Variants in ULK2 observed in about 807,000 individuals in gnomAD.
ULK2 encodes unc-51 like autophagy activating kinase 2.
Under a neutral mutation model 127.5 loss-of-function variants are expected in ULK2, and 76 were observed. The ratio of observed to expected loss-of-function variants is 0.60; its 90% CI spans 0.50 to 0.72. The LOEUF (loss-of-function observed/expected upper bound fraction) is 0.72. Ranked by LOEUF, ULK2 falls within the 30% of genes least tolerant of loss-of-function variation. The pLI is 0.00. For synonymous variants in ULK2, 452 were observed against 461.9 expected (o/e 0.98, Z 0.28); for missense variants, 1,144 against 1,295.9 (o/e 0.88, Z 1.80).
At chr17:19,855,258 G>A (rs1253390867) in intron 3 of ULK2, among the ~76,000 whole-genome samples, 3 of 151,690 alleles carry the variant, frequency 2.0e-5, no homozygotes, top group African/African-American at 7.3e-5. Context: ...CAAAAAATTA[G>A]CCAGGCATGG....
Position 19,795,689 on chromosome 17 carries a change from T to C in ULK2, c.2034A>G (p.Gly678=), listed in dbSNP as rs2087253303. 1 of 1,614,154 alleles carries C rather than the reference T, an allele frequency of 6.2e-7. No individual in the cohort carries two copies. The highest frequency in any genetic ancestry group is 8.5e-7 in the Non-Finnish European group (1 of 1,180,010). ...CCTGATGTCGACATATAGGAGTCTT[T>C]CCTTGTTGATCTGATAACTTCCCGG... The part of the protein sequence containing the change: ...VSTGKLSDQQ[G]KTPICRHQGS... Residue 678 remains glycine, a synonymous_variant, in exon 20 of 27, where the codon GGA becomes GGG. Transcript: ENST00000395544.
rs143827540 is a variant in ULK2 at position 19,787,229 on chromosome 17, C to T, written c.2102-1143G>A. On this transcript the variant is annotated intron_variant, in intron 20 of 26. Transcript: ENST00000395544. ...GTCTCGATCTCTTGACCTTGTGATC[C>T]GCCCGCCTTGGCCTCTCAAACTGCT... is the stretch of plus-strand genomic sequence containing the variant. 6.0e-3 allele frequency among the ~76,000 whole-genome samples: 915 copies of T among 152,246 alleles called. 15 individuals carry two copies. Among genetic ancestry groups the T allele is most frequent in the African/African-American group, 0.019 (777 of 41,554 alleles).
chr17:19,857,699 T>C (rs991238145), intron 3 of ULK2, among the ~76,000 whole-genome samples: 5 of 152,166 alleles, frequency 3.3e-5, no homozygotes, highest in Non-Finnish European at 5.9e-5. Flanking sequence ...TCTAGGAGAT[T>C]TATCTTTTGA....
chr17:19,834,852 G>C (rs959612572), intron 10 of ULK2, among the ~76,000 whole-genome samples: 2 of 151,648 alleles, frequency 1.3e-5, no homozygotes, highest in African/African-American at 4.8e-5. Context: ...CAAGGCTGCA[G>C]TGAGGCTTGT....
chr17:19,797,614 T>C lies in ULK2; in HGVS notation c.1591A>G (p.Thr531Ala). 1 of 1,612,924 alleles carries C rather than the reference T, an allele frequency of 6.2e-7. No homozygotes were observed. Among genetic ancestry groups the C allele is most frequent in the Non-Finnish European group, 8.5e-7 (1 of 1,179,634 alleles). ...LSGARLQSAPTLTDIYQNKQK... is the reference protein window; with the variant it reads ...LSGARLQSAPALTDIYQNKQK... ...TTGTTCTGATAGATGTCAGTGAGGG[T>C]GGGGGCGCTCTGCAGTCTAGCACCC... The change falls in exon 18 of 27, where the codon ACC becomes GCC. Residue 531 changes from threonine to alanine, a missense_variant. Transcript: ENST00000395544.
chr17:19,844,423 C>A (rs1391670045), intron 7 of ULK2, among the ~76,000 whole-genome samples: 2 of 152,126 alleles, frequency 1.3e-5, no homozygotes, highest in East Asian at 3.8e-4. Flanking sequence ...CTACACCCAG[C>A]TCAGGCATAA....
Position 19,841,539 on chromosome 17 carries a change from A to T in ULK2, c.654T>A (p.Ser218Arg). The T allele has an allele frequency of 6.3e-7, 1 of 1,580,186 alleles. No homozygotes were observed. The highest frequency in any genetic ancestry group is 1.7e-4 in the Middle Eastern group (1 of 5,848). The change falls in exon 9 of 27, where the codon AGT (serine) becomes AGA (arginine). Residue 218 changes from serine (S) to arginine (R), a missense_variant. By Grantham distance (110) the Ser-to-Arg change is moderately radical (BLOSUM62 -1). Transcript: ENST00000395544. Reference protein sequence around the residue: ...LVGKPPFQANSPQDLRMFYEK... With the variant: ...LVGKPPFQANRPQDLRMFYEK... ...CATAAAACATCCTTAAGTCTTGAGG[A>T]CTATTGGCCTATTAAAAAAAAAAAG...
intron 12 of ULK2, among the ~76,000 whole-genome samples, chr17:19,821,494 GACA>G (rs774779592): frequency 1.3e-5 from 2 of 148,878 alleles, no homozygotes; most frequent in Non-Finnish European, 3.0e-5. Context: ...ATGTAAAAAC[GACA>G]ACGTTATATC....
At chr17:19,784,097 C>T in intron 21 of ULK2, 192 bp from the exon 22 acceptor site, 1 of 425,466 alleles carries the variant, frequency 2.4e-6, no homozygotes, top group Non-Finnish European at 3.9e-6. Context: ...TATTCCTTGT[C>T]TATATATTTT....
chr17:19,829,548 A>AAGGC lies in ULK2; in HGVS notation c.788-3363_788-3362insGCCT, dbSNP rs531835867. Among the ~76,000 whole-genome samples the AAGGC allele has an allele frequency of 7.8e-5, 2 of 25,514 alleles. 1 individual carries two copies. Among genetic ancestry groups the AAGGC allele is most frequent in the Non-Finnish European group, 1.7e-4 (2 of 11,450 alleles). 16.7% of individuals were successfully genotyped at this position (25,514 alleles called of 152,430 possible). A position where few individuals can be genotyped will look rare whatever the true frequency, so the allele number is the denominator to read the frequency against. ...TGAGACCCTGTCAAGGAAAAAAAAAAGGGGGGGGGCTGGGCACGGTAGCTC... is the reference window on the plus strand; with the variant it reads ...TGAGACCCTGTCAAGGAAAAAAAAAAAGGCGGGGGGGGGCTGGGCACGGTAGCTC... On this transcript the variant is annotated intron_variant, in intron 10 of 26. Coordinates refer to ENST00000395544, the MANE Select transcript of ULK2 (RefSeq NM_014683.4).
At chr17:19,801,216 TA>T (rs1221206529) in intron 16 of ULK2, among the ~76,000 whole-genome samples, 1 of 152,214 alleles carries the variant, frequency 6.6e-6, no homozygotes. Flanking sequence ...TTTTTATACA[TA>T]AATTACATTT....
intron 20 of ULK2, among the ~76,000 whole-genome samples, chr17:19,792,559 C>T (rs2087177575): frequency 6.6e-6 from 1 of 152,206 alleles, no homozygotes; most frequent in African/African-American, 2.4e-5. Context: ...CTCAGATGTT[C>T]TGTTATAGCA....
At chr17:19,841,081 A>G (rs1253812085) in intron 9 of ULK2, among the ~76,000 whole-genome samples, 1 of 152,170 alleles carries the variant, frequency 6.6e-6, no homozygotes, top group African/African-American at 2.4e-5. Flanking sequence ...TCGAGAGGAA[A>G]AAAAAAGGAA....
rs930132646 is a variant in ULK2 at position 19,849,034 on chromosome 17, G to A, written c.295+335C>T. Among the ~76,000 whole-genome samples the A allele has an allele frequency of 3.3e-5, 5 of 152,046 alleles. No homozygotes were observed. In the South Asian group the frequency reaches 1.0e-3, roughly 32 times the overall value. ...CCACTATAATTTTTTAATTTTGAAA[G>A]AAACGAAACGGACTAAAACTCAGTC... On this transcript the variant is annotated intron_variant, in intron 5 of 26. Coordinates refer to ENST00000395544, the MANE Select transcript of ULK2 (RefSeq NM_014683.4).
chr17:19,806,330 A>T (rs995457611), intron 14 of ULK2, among the ~76,000 whole-genome samples: 1 of 152,214 alleles, frequency 6.6e-6, no homozygotes, highest in Non-Finnish European at 1.5e-5. Context: ...AATTTTTTTT[A>T]AATACACATT....
chr17:19,800,377 G>A (rs939821703), intron 16 of ULK2, among the ~76,000 whole-genome samples: 2 of 152,072 alleles, frequency 1.3e-5, no homozygotes, highest in African/African-American at 2.4e-5. Flanking sequence ...ATATCAAGAG[G>A]GCTCATTCCA....
intron 10 of ULK2, among the ~76,000 whole-genome samples, chr17:19,833,296 T>C (rs1203653023): frequency 2.6e-5 from 4 of 151,928 alleles, no homozygotes; most frequent in Admixed American, 2.0e-4. Context: ...AACGAAGCAG[T>C]CAATAGAAAC....
chr17:19,858,244 A>G (rs2042173082), intron 3 of ULK2, among the ~76,000 whole-genome samples: 2 of 152,002 alleles, frequency 1.3e-5, no homozygotes, highest in African/African-American at 4.8e-5. Flanking sequence ...TACAAAAAAT[A>G]GAAAAATTAG....
chr17:19,838,659 G>T, intron 9 of ULK2, 76 bp from the exon 10 acceptor site: 1 of 1,267,346 alleles, frequency 7.9e-7, no homozygotes, highest in Non-Finnish European at 1.1e-6. Flanking sequence ...CTTCCATATA[G>T]TAAACTAAAA....
Sources: allele counts gnomAD v4.1 joint callset (sites outside exome capture counted in the v4.1 genomes callset), GRCh38; gene constraint gnomAD v4.1.1; transcripts MANE v1.5; gene names NCBI Gene and HGNC (gene_info 2026-07-23, HGNC 2026-07-21).